Variants in MVB12B observed in about 807,000 individuals in gnomAD.
The protein encoded by MVB12B is ESCRT-I complex subunit MVB12B.
MVB12B carries 16 observed loss-of-function variants against 41.6 expected under a neutral mutation model. The observed-to-expected ratio is 0.38, with a 90% CI of 0.26 to 0.58. MVB12B has a LOEUF of 0.58. Among genes scored for constraint, MVB12B ranks in the 20% least tolerant of loss-of-function variants. The probability of loss-of-function intolerance (pLI) is 0.62; values close to 1 mark genes in which losing one functional copy is unlikely to be tolerated. For missense variants in MVB12B, 274 were observed against 380.2 expected, an observed-to-expected ratio of 0.72 and a Z score of 2.32; for synonymous variants, 133 against 139.7, an observed-to-expected ratio of 0.95 and a Z score of 0.34.
At chr9:126,448,697 G>T (rs1832838312) in intron 7 of MVB12B, among the ~76,000 whole-genome samples, 1 of 152,078 alleles carries the variant, frequency 6.6e-6, no homozygotes, top group African/African-American at 2.4e-5. Flanking sequence ...AGAGAAGGGG[G>T]AGGTCCCAGG....
At chr9:126,409,631 G>T (rs999485925) in intron 6 of MVB12B, among the ~76,000 whole-genome samples, 3 of 152,066 alleles carry the variant, frequency 2.0e-5, no homozygotes, top group Admixed American at 6.5e-5. Context: ...CGTGGCTCCC[G>T]CCTGCTGCAG....
chr9:126,396,608 C>T, intron 6 of MVB12B: 1 of 985,518 alleles, frequency 1.0e-6, no homozygotes, highest in Non-Finnish European at 1.2e-6. Flanking sequence ...TCTCTGTACT[C>T]TGTTCCTCTG....
At chr9:126,362,435 A>T (rs575966537) in intron 2 of MVB12B, among the ~76,000 whole-genome samples, 5 of 152,310 alleles carry the variant, frequency 3.3e-5, no homozygotes, top group African/African-American at 1.2e-4. Context: ...AAGATAAGGA[A>T]AATTTATTTG....
chr9:126,500,318 G>A (rs1393370243), intron 9 of MVB12B, among the ~76,000 whole-genome samples: 1 of 152,328 alleles, frequency 6.6e-6, no homozygotes, highest in East Asian at 1.9e-4. Flanking sequence ...CTTCGCGTTT[G>A]CAGGCATCTC....
Position 126,466,647 on chromosome 9 carries a change from GTGT to G in MVB12B, c.758-14718_758-14716del, listed in dbSNP as rs1443577160. The stretch of plus-strand genomic sequence containing the variant: ...CCAGGAGTTGTTAAGGAGGAAAAAA[GTGT>G]TGTATTGTTGAATTTATTTACATAC... On this transcript the variant is annotated intron_variant, in intron 7 of 9. Transcript: ENST00000361171. Among the ~76,000 whole-genome samples the G allele has an allele frequency of 4.1e-4, 63 of 152,102 alleles. 1 individual carries two copies. Among genetic ancestry groups the G allele is most frequent in the Admixed American group, 4.1e-3 (63 of 15,274 alleles).
intron 2 of MVB12B, among the ~76,000 whole-genome samples, chr9:126,364,261 C>A (rs1321046662): frequency 6.6e-6 from 1 of 152,218 alleles, no homozygotes; most frequent in Admixed American, 6.5e-5. Flanking sequence ...CAGTTTATCT[C>A]CTTTCCTTTC....
In MVB12B at chr9:126,333,377, G is replaced by A. The variant is rs62566859; in HGVS notation, c.81+6367G>A. Reference sequence around the variant, plus strand: ...TGGGATTACAGGCGTGAGCCACTGCGCCTGGCCATGACCCTGGTTTTATTT... The same window carrying A: ...TGGGATTACAGGCGTGAGCCACTGCACCTGGCCATGACCCTGGTTTTATTT... On this transcript the variant is annotated intron_variant, in intron 1 of 9. Coordinates refer to ENST00000361171, the MANE Select transcript of MVB12B (RefSeq NM_033446.3). This position sits in a 1 kb window ranked among gnomAD's most constrained non-coding sequence, Gnocchi z 4.7. Among the ~76,000 whole-genome samples the A allele has an allele frequency of 1.2e-4, 18 of 151,710 alleles. No individual in the cohort carries two copies. The highest frequency in any genetic ancestry group is 2.2e-4 in the Non-Finnish European group (15 of 67,928).
intron 2 of MVB12B, among the ~76,000 whole-genome samples, chr9:126,368,429 C>G (rs1830242283): frequency 6.6e-6 from 1 of 152,188 alleles, no homozygotes; most frequent in Non-Finnish European, 1.5e-5. Context: ...CTTTTTCTTC[C>G]TTCTCTGCTC....
chr9:126,494,787 G>A (rs1833795384), intron 9 of MVB12B, among the ~76,000 whole-genome samples: 1 of 151,948 alleles, frequency 6.6e-6, no homozygotes, highest in African/African-American at 2.4e-5. Context: ...CTATCTAGAA[G>A]AGGAGAAATA....
rs994191013 is a variant in MVB12B, at chr9:126,468,905, G to A, written c.758-12464G>A. On this transcript the variant is annotated intron_variant, in intron 7 of 9. Transcript: ENST00000361171. The surrounding 1 kb of genome is among the most constrained non-coding windows in gnomAD (Gnocchi z 4.3). Reference sequence around the variant, plus strand: ...TCTATGCAACAGTTAAAAAGGCTGAGACACAGAGCTCTAAGAATTGATGTG... The same window carrying A: ...TCTATGCAACAGTTAAAAAGGCTGAAACACAGAGCTCTAAGAATTGATGTG... 6.6e-6 allele frequency among the ~76,000 whole-genome samples: 1 copy of A among 152,188 alleles called. No individual in the cohort carries two copies. The highest frequency in any genetic ancestry group is 2.4e-5 in the African/African-American group (1 of 41,436).
At chr9:126,469,244 A>G (rs1400761362) in intron 7 of MVB12B, among the ~76,000 whole-genome samples, 1 of 152,162 alleles carries the variant, frequency 6.6e-6, no homozygotes, top group African/African-American at 2.4e-5. Context: ...TGCATGGGAG[A>G]CAGGCCGGCA....
At position 126,461,243 on chromosome 9, in the gene MVB12B, C is replaced by T. The variant is rs141493008; in HGVS notation, c.758-20126C>T. Among the ~76,000 whole-genome samples, 321 of 152,378 alleles carry T rather than the reference C, an allele frequency of 2.1e-3. 1 individual carries two copies. Among genetic ancestry groups the T allele is most frequent in the African/African-American group, 6.8e-3 (281 of 41,596 alleles). On this transcript the variant is annotated intron_variant, in intron 7 of 9. Transcript: ENST00000361171. The stretch of plus-strand genomic sequence containing the variant: ...TGGCCGTCAGCACCCCCACAACCGC[C>T]GAAGGCTGGCCCTGGTGGCTTCTAC...
chr9:126,494,868 ACC>A (rs61435398), intron 9 of MVB12B, among the ~76,000 whole-genome samples: 1 of 127,450 alleles, frequency 7.8e-6, no homozygotes, highest in Non-Finnish European at 1.8e-5. Flanking sequence ...GGAGCACCCC[ACC>A]CCCCCCCAGG....
intron 7 of MVB12B, among the ~76,000 whole-genome samples, chr9:126,451,572 A>T (rs976822190): frequency 8.5e-5 from 13 of 152,078 alleles, no homozygotes; most frequent in African/African-American, 2.9e-4. Flanking sequence ...GCATCTCCCT[A>T]TCCCCAGCTC....
intron 7 of MVB12B, among the ~76,000 whole-genome samples, chr9:126,460,201 G>C (rs1211599019): frequency 2.0e-5 from 3 of 152,116 alleles, no homozygotes; most frequent in Non-Finnish European, 4.4e-5. Flanking sequence ...GGTGGACAAG[G>C]CTCCGTCACC....
intron 7 of MVB12B, among the ~76,000 whole-genome samples, chr9:126,455,125 C>T (rs958290266): frequency 3.3e-5 from 5 of 152,200 alleles, no homozygotes; most frequent in African/African-American, 1.2e-4. Flanking sequence ...CCACAGCTCC[C>T]AGTAAGACCC....
At chr9:126,394,130 G>A (rs116663748) in intron 5 of MVB12B, among the ~76,000 whole-genome samples, 2,054 of 152,264 alleles carry the variant, frequency 0.013, 53 homozygotes, top group African/African-American at 0.047. Context: ...CAAAAATCCC[G>A]TTTTGCAACA....
chr9:126,363,520 A>G (rs1271948777), intron 2 of MVB12B, among the ~76,000 whole-genome samples: 2 of 152,160 alleles, frequency 1.3e-5, no homozygotes, highest in Non-Finnish European at 2.9e-5. Flanking sequence ...CTCCATTCTA[A>G]CCTTCTCCAG....
intron 7 of MVB12B, among the ~76,000 whole-genome samples, chr9:126,428,523 G>A (rs181748809): frequency 6.6e-6 from 1 of 152,190 alleles, no homozygotes; most frequent in East Asian, 1.9e-4. Flanking sequence ...ACTCACCCGG[G>A]AAATTGAAAA....
Sources: allele counts gnomAD v4.1 joint callset (sites outside exome capture counted in the v4.1 genomes callset), GRCh38; gene constraint gnomAD v4.1.1; non-coding constraint Gnocchi (gnomAD v3.1); transcripts MANE v1.5; gene names NCBI Gene and HGNC (gene_info 2026-07-23, HGNC 2026-07-21).